RYR3: variants seen among roughly 807,000 people sequenced by gnomAD.
The protein encoded by RYR3 is brain ryanodine receptor-calcium release channel.
In RYR3, 207 loss-of-function variants were observed where a neutral mutation model predicts 584.3. The observed-to-expected ratio is 0.35, with a 90% CI of 0.32 to 0.40. The LOEUF (loss-of-function observed/expected upper bound fraction) is 0.40. RYR3 is among the 10% of genes least tolerant of loss of function. The pLI, the probability that RYR3 is intolerant of heterozygous loss-of-function variation, is 1.00. For missense variants in RYR3, 5,616 were observed against 6,089.2 expected, an observed-to-expected ratio of 0.92 and a Z score of 2.59; for synonymous variants, 2,416 against 2,248.5, an observed-to-expected ratio of 1.07 and a Z score of -2.11.
rs1265670474 is a variant in RYR3, at chr15:33,473,467, A to T, written c.100A>T (p.Arg34Trp). ...QCIATIHKEQRKFCLAAEGLG... is the reference protein window; with the variant it reads ...QCIATIHKEQWKFCLAAEGLG... ...CATCGCCACCATTCATAAGGAGCAG[A>T]GGAAGTTCTGCCTGGCAGCCGAGGG... is the stretch of plus-strand genomic sequence containing the variant. Residue 34 changes from arginine (R) to tryptophan (W), a missense_variant, in exon 2 of 104, where the codon AGG becomes TGG. Transcript: ENST00000634891. 1.2e-6 allele frequency: 2 copies of T among 1,613,952 alleles called. No individual in the cohort carries two copies. The highest frequency in any genetic ancestry group is 4.5e-5 in the East Asian group (2 of 44,870).
intron 43 of RYR3, among the ~76,000 whole-genome samples, chr15:33,719,470 A>G (rs1446096408): frequency 6.6e-6 from 1 of 152,228 alleles, no homozygotes; most frequent in East Asian, 1.9e-4. Flanking sequence ...AAGCATTTCC[A>G]CCAGGTAACT....
At chr15:33,818,896 GGC>G (rs1324800344) in intron 76 of RYR3, among the ~76,000 whole-genome samples, 1 of 152,212 alleles carries the variant, frequency 6.6e-6, no homozygotes, top group Non-Finnish European at 1.5e-5. Context: ...AGCCAAGGCG[GGC>G]GGACCATCTG....
chr15:33,503,612 T>C lies in RYR3; in HGVS notation c.172-19T>C. On this transcript the variant is annotated intron_variant, in intron 2 of 103. Coordinates refer to ENST00000634891, the MANE Select transcript of RYR3 (RefSeq NM_001036.6). ...GACTGATATGAGTAGGTATCCTCAT[T>C]CTGATTTTATTTCCACAGTACATTC... 1 of 1,477,202 alleles carries C rather than the reference T, an allele frequency of 6.8e-7. No homozygotes were observed. Among genetic ancestry groups the C allele is most frequent in the Non-Finnish European group, 9.4e-7 (1 of 1,061,342 alleles). 91.5% of individuals were successfully genotyped at this position (1,477,202 alleles called of 1,614,324 possible).
intron 18 of RYR3, among the ~76,000 whole-genome samples, chr15:33,612,066 C>T (rs1360126782): frequency 6.6e-6 from 1 of 152,150 alleles, no homozygotes; most frequent in Non-Finnish European, 1.5e-5. Context: ...TATTTTAAAA[C>T]CTAACTCCTC....
intron 2 of RYR3, among the ~76,000 whole-genome samples, chr15:33,498,923 G>A (rs2051696400): frequency 6.6e-6 from 1 of 152,100 alleles, no homozygotes; most frequent in South Asian, 2.1e-4. Flanking sequence ...ACCATTTGTT[G>A]AAGAGACTGT....
rs1028941140 is a variant in RYR3, at chr15:33,360,072, G to A, written c.51+48976G>A. On this transcript the variant is annotated intron_variant, in intron 1 of 103. Coordinates refer to ENST00000634891, the MANE Select transcript of RYR3 (RefSeq NM_001036.6). ...TTAGACTGTAAGTTTCACAAGTTCC[G>A]GGATTTTGTTTTGTTCATATCATAT... is the stretch of plus-strand genomic sequence containing the variant. Among the ~76,000 whole-genome samples, 4 of 152,118 alleles carry A rather than the reference G, an allele frequency of 2.6e-5. 1 individual carries two copies. Among genetic ancestry groups the A allele is most frequent in the Middle Eastern group, 6.8e-3 (2 of 292 alleles).
intron 7 of RYR3, 73 bp downstream of exon 7, chr15:33,540,963 C>T: frequency 1.0e-6 from 1 of 961,130 alleles, no homozygotes; most frequent in Non-Finnish European, 1.7e-6. Flanking sequence ...ACATTTTCTG[C>T]TACTTCCCAG....
chr15:33,324,611 C>A (rs890883200), intron 1 of RYR3, among the ~76,000 whole-genome samples: 2 of 152,148 alleles, frequency 1.3e-5, no homozygotes, highest in Admixed American at 1.3e-4. Flanking sequence ...ACTTTGCAAG[C>A]GTTCAGGGGC....
chr15:33,584,995 C>A (rs74005692), intron 15 of RYR3, among the ~76,000 whole-genome samples: 6,204 of 152,170 alleles, frequency 0.041, 422 homozygotes, highest in African/African-American at 0.14. Flanking sequence ...TCCCTCATGA[C>A]TTACGGAGAA....
chr15:33,755,955 G>A (rs761902255), intron 58 of RYR3, among the ~76,000 whole-genome samples: 12 of 152,116 alleles, frequency 7.9e-5, no homozygotes, highest in Non-Finnish European at 1.8e-4. Context: ...TGTATTTTTA[G>A]TAGAGATGGG....
At chr15:33,433,572 TAAG>T (rs1174270953) in intron 1 of RYR3, among the ~76,000 whole-genome samples, 1 of 152,144 alleles carries the variant, frequency 6.6e-6, no homozygotes, top group Admixed American at 6.6e-5. Flanking sequence ...TGAAAAAGGG[TAAG>T]AAGTAAAAAT....
chr15:33,457,331 T>C (rs1405840198), intron 1 of RYR3, among the ~76,000 whole-genome samples: 1 of 152,192 alleles, frequency 6.6e-6, no homozygotes, highest in African/African-American at 2.4e-5. Context: ...ATAGCCAAGA[T>C]ATAGAATCAA....
chr15:33,434,912 G>A (rs1212698314), intron 1 of RYR3, among the ~76,000 whole-genome samples: 1 of 152,066 alleles, frequency 6.6e-6, no homozygotes, highest in Non-Finnish European at 1.5e-5. Context: ...CCACCTCCCG[G>A]GTTCATGCCA....
intron 89 of RYR3, chr15:33,840,578 T>A: frequency 3.6e-6 from 2 of 549,646 alleles, no homozygotes; most frequent in Admixed American, 6.5e-5. Context: ...TAACACAAGT[T>A]TCCTCTTTGA....
intron 1 of RYR3, among the ~76,000 whole-genome samples, chr15:33,394,080 T>A (rs2042161125): frequency 6.6e-6 from 1 of 152,228 alleles, no homozygotes; most frequent in Non-Finnish European, 1.5e-5. Context: ...CCATCTTGTG[T>A]GGCACAGGTT....
At chr15:33,557,305 A>G (rs752843562) in intron 10 of RYR3, among the ~76,000 whole-genome samples, 3 of 152,204 alleles carry the variant, frequency 2.0e-5, no homozygotes, top group Non-Finnish European at 2.9e-5. Flanking sequence ...GCGTGATGGC[A>G]TTTTCATTGT....
intron 100 of RYR3, 99 bp from the exon 101 acceptor site, chr15:33,860,495 AC>A: frequency 1.6e-6 from 1 of 642,552 alleles, no homozygotes; most frequent in Non-Finnish European, 2.5e-6. Context: ...TTGATAATTC[AC>A]TTTTTTTTTT....
intron 65 of RYR3, among the ~76,000 whole-genome samples, chr15:33,781,564 G>A (rs138364099): frequency 2.0e-5 from 3 of 152,192 alleles, no homozygotes; most frequent in East Asian, 3.9e-4. Flanking sequence ...CTAAAAATGC[G>A]AAGTGCTAAG....
intron 43 of RYR3, among the ~76,000 whole-genome samples, chr15:33,713,563 A>G (rs1284765533): frequency 6.6e-6 from 1 of 152,112 alleles, no homozygotes; most frequent in Non-Finnish European, 1.5e-5. Context: ...TTGAGCATTT[A>G]CCATGTGCCA....
Sources: gnomAD v4.1 joint callset for allele counts (sites outside exome capture counted in the v4.1 genomes callset) on GRCh38, gnomAD v4.1.1 for gene constraint, MANE v1.5 for transcripts, NCBI Gene and HGNC (gene_info 2026-07-23, HGNC 2026-07-21) for gene names.